SLC4A5: variants seen among roughly 807,000 people sequenced by gnomAD.
SLC4A5 encodes electrogenic sodium bicarbonate cotransporter 4.
SLC4A5 carries 96 observed loss-of-function variants against 120.4 expected under a neutral mutation model. That is an observed-to-expected ratio of 0.80 (90% CI 0.68 to 0.94). The LOEUF is 0.94. SLC4A5 is among the 40% of genes least tolerant of loss of function. SLC4A5 has a pLI of 0.00. For missense variants in SLC4A5, 1,259 were observed against 1,459.5 expected (o/e 0.86, Z 2.24); for synonymous variants, 550 against 571.1 (o/e 0.96, Z 0.53).
At chr2:74,267,894 A>C (rs547705327) in intron 8 of SLC4A5, among the ~76,000 whole-genome samples, 3 of 152,200 alleles carry the variant, frequency 2.0e-5, no homozygotes, top group South Asian at 4.2e-4. Context: ...GCTTCTTGGG[A>C]GGATCACTTG....
chr2:74,310,877 T>C (rs1479845265), intron 6 of SLC4A5, among the ~76,000 whole-genome samples: 12 of 152,120 alleles, frequency 7.9e-5, no homozygotes, highest in Admixed American at 6.5e-4. Flanking sequence ...ACAACTGATA[T>C]CCTTTCTTCC....
chr2:74,341,282 G>A (rs1673618190), intron 2 of SLC4A5, among the ~76,000 whole-genome samples: 1 of 141,206 alleles, frequency 7.1e-6, no homozygotes, highest in African/African-American at 2.8e-5. Flanking sequence ...CTCCAGCCTA[G>A]CGACAGAGCG....
chr2:74,289,993 T>C (rs1021294680), intron 7 of SLC4A5, among the ~76,000 whole-genome samples: 1 of 152,150 alleles, frequency 6.6e-6, no homozygotes, highest in Non-Finnish European at 1.5e-5. Flanking sequence ...CCACCCCTCA[T>C]AATATAGCCC....
intron 7 of SLC4A5, among the ~76,000 whole-genome samples, chr2:74,303,117 C>T (rs201578223): frequency 1.1e-3 from 161 of 143,248 alleles, no homozygotes; most frequent in African/African-American, 3.3e-3. Flanking sequence ...TGTGTGTGTG[C>T]GTGTGTGTGT....
At chr2:74,223,571 A>C (rs1694735432) in intron 28 of SLC4A5, among the ~76,000 whole-genome samples, 1 of 152,252 alleles carries the variant, frequency 6.6e-6, no homozygotes, top group South Asian at 2.1e-4. Context: ...GCTATAAGAC[A>C]AGTAAAATGA....
In SLC4A5 at chr2:74,229,411, G is replaced by A. The variant is rs150898008; in HGVS notation, c.2848-1533C>T. ...ACTACAGGCATGTGCCACCATACCT[G>A]GCTATTTTTGTATTTTTAGTAGACA... On this transcript the variant is annotated intron_variant, in intron 25 of 30. Transcript: ENST00000394019. Among the ~76,000 whole-genome samples the A allele has an allele frequency of 1.7e-3, 265 of 151,868 alleles. 4 individuals carry two copies. Among genetic ancestry groups the A allele is most frequent in the African/African-American group, 6.1e-3 (252 of 41,410 alleles).
chr2:74,292,685 C>G (rs1362559854), intron 7 of SLC4A5, among the ~76,000 whole-genome samples: 12 of 152,086 alleles, frequency 7.9e-5, no homozygotes, highest in Non-Finnish European at 1.3e-4. Flanking sequence ...TGGGGACTGA[C>G]TTAGCACAAA....
At chr2:74,253,649 T>C (rs1487073624) in intron 14 of SLC4A5, among the ~76,000 whole-genome samples, 3 of 152,190 alleles carry the variant, frequency 2.0e-5, no homozygotes, top group African/African-American at 4.8e-5. Flanking sequence ...CATTTAATTT[T>C]ACATAAACAC....
At chr2:74,276,293 G>A (rs370337774) in intron 8 of SLC4A5, among the ~76,000 whole-genome samples, 3 of 152,188 alleles carry the variant, frequency 2.0e-5, no homozygotes, top group Admixed American at 1.3e-4. Context: ...TAGATCATAA[G>A]CTCTTTAAGA....
chr2:74,293,533 G>A (rs542208657), intron 7 of SLC4A5, among the ~76,000 whole-genome samples: 4 of 152,172 alleles, frequency 2.6e-5, no homozygotes, highest in Non-Finnish European at 4.4e-5. Context: ...GGGAGACAGA[G>A]CTGGTAAATG....
intron 20 of SLC4A5, 149 bp from the exon 21 acceptor site, chr2:74,239,684 G>T: frequency 1.4e-6 from 1 of 709,694 alleles, no homozygotes. Context: ...GGGACGGGCT[G>T]GTTCAAGGAA....
rs769623023 is a variant in SLC4A5 at position 74,304,696 on chromosome 2, A to G, written c.80-16T>C. 1.9e-6 allele frequency: 3 copies of G among 1,603,242 alleles called. No homozygotes were observed. In the Admixed American group the frequency reaches 5.1e-5, roughly 27 times the overall value. The stretch of plus-strand genomic sequence containing the variant: ...GGAGGGCATTCTGTGGACACGGCAC[A>G]AAAGACAGGGGAGGCAGGGTTACTG... On this transcript the variant is annotated splice_polypyrimidine_tract_variant and intron_variant, in intron 6 of 30. Transcript: ENST00000394019.
intron 5 of SLC4A5, among the ~76,000 whole-genome samples, chr2:74,319,213 G>A (rs780017542): frequency 2.9e-4 from 44 of 152,134 alleles, no homozygotes; most frequent in Non-Finnish European, 5.0e-4. Flanking sequence ...ACTCCAAAAG[G>A]TAGGAGGGTA....
At chr2:74,228,687 CAG>C (rs1405789277) in intron 25 of SLC4A5, among the ~76,000 whole-genome samples, 1 of 47,686 alleles carries the variant, frequency 2.1e-5, no homozygotes, top group East Asian at 3.9e-4. Context: ...CAAAAAAAAA[CAG>C]AAATCATGCC....
chr2:74,232,537 G>A, exon 24 of SLC4A5: 1 of 1,614,026 alleles, frequency 6.2e-7, no homozygotes, highest in Non-Finnish European at 8.5e-7. Flanking sequence ...GGCTGTCGAT[G>A]TGGGCGATGG....
intron 6 of SLC4A5, among the ~76,000 whole-genome samples, chr2:74,305,237 T>A (rs1004659244): frequency 1.3e-5 from 2 of 152,170 alleles, no homozygotes; most frequent in African/African-American, 4.8e-5. Flanking sequence ...CTGATTACTA[T>A]TGAAACCCAG....
intron 12 of SLC4A5, 54 bp downstream of exon 12, chr2:74,259,534 A>T: frequency 1.3e-6 from 2 of 1,588,914 alleles, no homozygotes; most frequent in Admixed American, 3.3e-5. Flanking sequence ...CTGAAACCAA[A>T]GACTTTTTCC....
At chr2:74,232,481 A>C in exon 24 of SLC4A5, 2 of 1,613,916 alleles carry the variant, frequency 1.2e-6, no homozygotes, top group Non-Finnish European at 1.7e-6. Context: ...GACTCCCAGA[A>C]ACTGGGGCTG....
At chr2:74,220,568 G>C (rs1225864571) in intron 30 of SLC4A5, among the ~76,000 whole-genome samples, 2 of 151,890 alleles carry the variant, frequency 1.3e-5, no homozygotes, top group South Asian at 2.1e-4. Context: ...CCAGGCTGGA[G>C]TGCAGTGGCG....
Sources: allele counts gnomAD v4.1 joint callset (sites outside exome capture counted in the v4.1 genomes callset), GRCh38; gene constraint gnomAD v4.1.1; transcripts MANE v1.5; gene names NCBI Gene and HGNC (gene_info 2026-07-23, HGNC 2026-07-21).